PDS5B: variants seen among roughly 807,000 people sequenced by gnomAD.
PDS5B encodes sister chromatid cohesion protein PDS5 homolog B.
Under a neutral mutation model 184.1 loss-of-function variants are expected in PDS5B, and 51 were observed. That is an observed-to-expected ratio of 0.28 (90% CI 0.22 to 0.35). PDS5B has a LOEUF of 0.35. Ranked by LOEUF, PDS5B falls within the 10% of genes least tolerant of loss-of-function variation. PDS5B has a pLI of 1.00. For synonymous variants in PDS5B, 566 were observed against 569.2 expected (o/e 0.99, Z 0.08); for missense variants, 1,180 against 1,723.3 (o/e 0.68, Z 5.58).
At chr13:32,714,637 C>T (rs986904466) in intron 19 of PDS5B, among the ~76,000 whole-genome samples, 3 of 152,106 alleles carry the variant, frequency 2.0e-5, no homozygotes, top group Non-Finnish European at 2.9e-5. Context: ...AAGAATTCAG[C>T]GATATTTCTC....
intron 16 of PDS5B, among the ~76,000 whole-genome samples, 197 bp downstream of exon 16, chr13:32,700,066 TAC>T (rs941406255): frequency 2.6e-5 from 4 of 152,204 alleles, no homozygotes; most frequent in African/African-American, 9.6e-5. Flanking sequence ...ATATTATACA[TAC>T]AGTTTTGTAC....
chr13:32,680,098 A>ATATT (rs1467965006), intron 10 of PDS5B, among the ~76,000 whole-genome samples: 6 of 150,898 alleles, frequency 4.0e-5, no homozygotes, highest in African/African-American at 1.5e-4. Context: ...TTTTCACCTT[A>ATATT]TATTTGCTTT....
At chr13:32,605,698 G>T (rs958922827) in intron 1 of PDS5B, among the ~76,000 whole-genome samples, 4 of 152,154 alleles carry the variant, frequency 2.6e-5, no homozygotes, top group African/African-American at 9.7e-5. Context: ...TATTGTGTGG[G>T]AGTCTAAGTC....
intron 19 of PDS5B, among the ~76,000 whole-genome samples, chr13:32,715,506 G>C (rs938685426): frequency 6.6e-6 from 1 of 152,100 alleles, no homozygotes; most frequent in African/African-American, 2.4e-5. Flanking sequence ...AAATGTATTT[G>C]AAAACCTGGA....
At chr13:32,614,716 C>T (rs946918937) in intron 1 of PDS5B, among the ~76,000 whole-genome samples, 5 of 152,170 alleles carry the variant, frequency 3.3e-5, no homozygotes, top group African/African-American at 7.2e-5. Context: ...ATTTTACAAA[C>T]GTAAAAACGT....
chr13:32,635,170 GTTTTTTTT>G (rs71071054), intron 1 of PDS5B, among the ~76,000 whole-genome samples: 7 of 81,118 alleles, frequency 8.6e-5, no homozygotes, highest in African/African-American at 2.7e-4. Context: ...AGCCAATTAC[GTTTTTTTT>G]TTTTTTTTTT....
In PDS5B at chr13:32,770,323, A is replaced by C; in HGVS notation, c.3827A>C (p.Glu1276Ala). The C allele has an allele frequency of 6.2e-7, 1 of 1,614,056 alleles. No homozygotes were observed. The highest frequency in any genetic ancestry group is 8.5e-7 in the Non-Finnish European group (1 of 1,180,004). Residue 1276 changes from glutamate (E) to alanine (A), a missense_variant, in exon 32 of 35, where the codon GAA becomes GCA. Transcript: ENST00000315596. Reference protein sequence around the residue: ...EEKRLKEDILENEDEQNSPPK... With the variant: ...EEKRLKEDILANEDEQNSPPK... ...AAGAGGCTCAAAGAAGATATATTAG[A>C]AAATGAAGATGAACAGAATAGTCCG...
chr13:32,724,323 G>T (rs946038965), intron 19 of PDS5B, among the ~76,000 whole-genome samples: 3 of 151,556 alleles, frequency 2.0e-5, no homozygotes, highest in African/African-American at 7.3e-5. Flanking sequence ...TCATTATGTT[G>T]CCCAGACTGG....
chr13:32,685,744 A>G (rs550513425), intron 11 of PDS5B, among the ~76,000 whole-genome samples: 11 of 152,186 alleles, frequency 7.2e-5, no homozygotes, highest in East Asian at 5.8e-4. Context: ...CTGGGTTCCA[A>G]CAGTCCTCCC....
At chr13:32,743,021 T>A (rs1953614770) in intron 23 of PDS5B, among the ~76,000 whole-genome samples, 1 of 151,500 alleles carries the variant, frequency 6.6e-6, no homozygotes, top group Non-Finnish European at 1.5e-5. Context: ...TGTTTTACAT[T>A]CTTGTTAAAT....
chr13:32,773,035 T>G (rs1489310447), intron 33 of PDS5B, among the ~76,000 whole-genome samples, 154 bp from the exon 34 acceptor site: 1 of 152,170 alleles, frequency 6.6e-6, no homozygotes, highest in African/African-American at 2.4e-5. Flanking sequence ...AAATGCTGGT[T>G]TAGGATTCAG....
intron 6 of PDS5B, among the ~76,000 whole-genome samples, chr13:32,664,327 C>T (rs1281559345): frequency 2.0e-5 from 3 of 152,156 alleles, no homozygotes; most frequent in African/African-American, 7.2e-5. Context: ...GGTTGTGAGA[C>T]ATAAGGTACA....
At chr13:32,653,066 G>A (rs1441361115) in intron 3 of PDS5B, among the ~76,000 whole-genome samples, 1 of 152,062 alleles carries the variant, frequency 6.6e-6, no homozygotes, top group Non-Finnish European at 1.5e-5. Flanking sequence ...GGCTGAGGTG[G>A]GCCGATCACC....
intron 13 of PDS5B, chr13:32,690,487 A>G (rs896485135): frequency 2.6e-5 from 4 of 152,118 alleles, no homozygotes; most frequent in African/African-American, 7.2e-5. Flanking sequence ...TTGACTAACT[A>G]TGTTATAAGT....
chr13:32,591,012 T>TC (rs907757358), intron 1 of PDS5B, among the ~76,000 whole-genome samples: 1 of 151,852 alleles, frequency 6.6e-6, no homozygotes, highest in African/African-American at 2.4e-5. Context: ...ACTTTTTTCC[T>TC]CCCCCCACAG....
chr13:32,774,413 G>A (rs1008334162), intron 34 of PDS5B, among the ~76,000 whole-genome samples: 1 of 152,204 alleles, frequency 6.6e-6, no homozygotes, highest in Admixed American at 6.5e-5. Context: ...GGACATCAAA[G>A]TAAGTCTGAA....
In PDS5B at chr13:32,674,921, G is replaced by GT. The variant is rs113519972; in HGVS notation, c.847-910dup. Among the ~76,000 whole-genome samples, 543 of 137,322 alleles carry GT rather than the reference G, an allele frequency of 4.0e-3. 1 individual carries two copies. Among genetic ancestry groups the GT allele is most frequent in the East Asian group, 0.014 (69 of 4,784 alleles). 90.1% of individuals were successfully genotyped at this position (137,322 alleles called of 152,430 possible). On this transcript the variant is annotated intron_variant, in intron 8 of 34. Transcript: ENST00000315596. The stretch of plus-strand genomic sequence containing the variant: ...TGATTCCGAGTTTTGGGGAATAGAG[G>GT]TTTTTTTTTTTTTGTTCTTCTTATT...
chr13:32,766,895 TGGA>T (rs1954603834), intron 31 of PDS5B, among the ~76,000 whole-genome samples: 1 of 152,188 alleles, frequency 6.6e-6, no homozygotes, highest in Non-Finnish European at 1.5e-5. Flanking sequence ...TTTAGATCTT[TGGA>T]CATCAAAAAG....
chr13:32,739,861 AAT>A (rs1454945981), intron 21 of PDS5B, among the ~76,000 whole-genome samples: 2 of 152,016 alleles, frequency 1.3e-5, no homozygotes, highest in Admixed American at 1.3e-4. Context: ...TCCATCCCAT[AAT>A]TTTCAGATTT....
Sources: allele counts gnomAD v4.1 joint callset (sites outside exome capture counted in the v4.1 genomes callset), GRCh38; gene constraint gnomAD v4.1.1; transcripts MANE v1.5; gene names NCBI Gene and HGNC (gene_info 2026-07-23, HGNC 2026-07-21).